Variants in ABCB5 observed in about 807,000 individuals in gnomAD.
ABCB5 encodes ATP-binding cassette sub-family B member 5.
In ABCB5, 155 loss-of-function variants were observed where a neutral mutation model predicts 144.2. The ratio of observed to expected loss-of-function variants is 1.08; its 90% CI spans 0.94 to 1.23. The LOEUF (loss-of-function observed/expected upper bound fraction) is 1.23, where lower values mean the gene tolerates loss of function less well. ABCB5 is among the 50% of genes most tolerant of loss of function. ABCB5 has a pLI of 0.00. For synonymous variants in ABCB5, 610 were observed against 528.6 expected (o/e 1.15, Z -2.11); for missense variants, 1,830 against 1,520.8 (o/e 1.20, Z -3.38).
At chr7:20,674,888 A>C (rs116075821) in intron 14 of ABCB5, among the ~76,000 whole-genome samples, 2,167 of 152,070 alleles carry the variant, frequency 0.014, 48 homozygotes, top group African/African-American at 0.049. Context: ...TGAAAAAATA[A>C]CTAAAACATC....
intron 14 of ABCB5, among the ~76,000 whole-genome samples, chr7:20,675,351 T>A (rs1054795710): frequency 1.3e-5 from 2 of 150,570 alleles, no homozygotes; most frequent in Non-Finnish European, 2.9e-5. Context: ...GCATATATAA[T>A]CAACTGACCT....
intron 20 of ABCB5, among the ~76,000 whole-genome samples, chr7:20,707,121 T>C (rs1402763512): frequency 6.6e-6 from 1 of 152,192 alleles, no homozygotes; most frequent in African/African-American, 2.4e-5. Flanking sequence ...CATATTGACT[T>C]AAATAAGTCA....
intron 13 of ABCB5, among the ~76,000 whole-genome samples, chr7:20,654,820 A>G (rs1325938919): frequency 6.6e-6 from 1 of 152,156 alleles, no homozygotes; most frequent in Non-Finnish European, 1.5e-5. Flanking sequence ...AGATATAGTT[A>G]AAGTATTGCT....
intron 7 of ABCB5, among the ~76,000 whole-genome samples, chr7:20,644,316 C>T (rs74547036): frequency 0.056 from 8,548 of 152,144 alleles, 338 homozygotes; most frequent in South Asian, 0.14. Context: ...TGGGCTGAAG[C>T]TATCCGCCCA....
chr7:20,720,067 G>T (rs1781811857), intron 20 of ABCB5, among the ~76,000 whole-genome samples: 2 of 151,914 alleles, frequency 1.3e-5, no homozygotes, highest in African/African-American at 2.4e-5. Context: ...AAGAACCCAG[G>T]GATCTTTGGA....
At chr7:20,739,590 T>C (rs938789549) in intron 24 of ABCB5, among the ~76,000 whole-genome samples, 1 of 152,118 alleles carries the variant, frequency 6.6e-6, no homozygotes, top group Non-Finnish European at 1.5e-5. Flanking sequence ...TTTTAAAATA[T>C]ATGCTTTTAA....
At chr7:20,718,659 A>G (rs1423735526) in intron 20 of ABCB5, among the ~76,000 whole-genome samples, 1 of 152,044 alleles carries the variant, frequency 6.6e-6, no homozygotes, top group African/African-American at 2.4e-5. Flanking sequence ...GAAGATGCTA[A>G]TTTTTTTATA....
chr7:20,672,688 A>G (rs547679232), intron 14 of ABCB5, among the ~76,000 whole-genome samples: 3 of 152,202 alleles, frequency 2.0e-5, no homozygotes, highest in Non-Finnish European at 1.5e-5. Flanking sequence ...GTTAATTATT[A>G]TATGTGATAT....
intron 20 of ABCB5, among the ~76,000 whole-genome samples, chr7:20,717,332 C>T (rs578006051): frequency 8.8e-4 from 134 of 152,136 alleles, no homozygotes; most frequent in South Asian, 3.3e-3. Flanking sequence ...GATGTCCGCA[C>T]GATTGGGTTT....
intron 25 of ABCB5, 132 bp downstream of exon 25, chr7:20,743,206 G>T (rs773367789): frequency 4.2e-5 from 39 of 924,094 alleles, no homozygotes; most frequent in Non-Finnish European, 6.0e-5. Flanking sequence ...AAAAATCTCT[G>T]TGTCAACCCT....
intron 7 of ABCB5, among the ~76,000 whole-genome samples, chr7:20,645,141 G>A (rs1784374465): frequency 6.6e-6 from 1 of 152,208 alleles, no homozygotes; most frequent in Non-Finnish European, 1.5e-5. Context: ...CGATACCAGA[G>A]TGGATGGCTT....
At chr7:20,617,071 T>C (rs1484847067) in intron 1 of ABCB5, among the ~76,000 whole-genome samples, 1 of 152,196 alleles carries the variant, frequency 6.6e-6, no homozygotes, top group Non-Finnish European at 1.5e-5. Context: ...TACCCTGTTT[T>C]AATTATATAC....
intron 14 of ABCB5, among the ~76,000 whole-genome samples, chr7:20,673,496 C>T (rs919095260): frequency 6.6e-6 from 1 of 152,012 alleles, no homozygotes; most frequent in Non-Finnish European, 1.5e-5. Flanking sequence ...GAATCGAGCC[C>T]TTATTCATTA....
intron 19 of ABCB5, 86 bp from the exon 20 acceptor site, chr7:20,704,638 T>C: frequency 1.0e-6 from 1 of 993,780 alleles, no homozygotes; most frequent in Non-Finnish European, 1.5e-6. Context: ...GGCAGGTAAA[T>C]GTTTTCTGAT....
intron 23 of ABCB5, among the ~76,000 whole-genome samples, chr7:20,731,369 A>AAAAAAAAAAAATATATATATAT: frequency 8.1e-6 from 1 of 123,074 alleles, no homozygotes; most frequent in African/African-American, 3.3e-5. Context: ...AAAAAAAAAA[A>AAAAAAAAAAAATATATATATAT]ATATATATAT....
chr7:20,681,729 C>G (rs1417546966), intron 15 of ABCB5, 63 bp downstream of exon 15: 1 of 1,529,930 alleles, frequency 6.5e-7, no homozygotes, highest in African/African-American at 1.4e-5. Flanking sequence ...TCATACCACA[C>G]TAGAAAACAA....
intron 20 of ABCB5, among the ~76,000 whole-genome samples, chr7:20,716,798 G>C (rs1781687210): frequency 1.3e-5 from 2 of 152,168 alleles, no homozygotes; most frequent in African/African-American, 4.8e-5. Context: ...GACAATCTAG[G>C]AGTTCATTCA....
At chr7:20,676,872 A>G (rs1329460792) in intron 14 of ABCB5, among the ~76,000 whole-genome samples, 1 of 152,198 alleles carries the variant, frequency 6.6e-6, no homozygotes, top group Non-Finnish European at 1.5e-5. Flanking sequence ...AAGTCCTCCA[A>G]GACAGAAATT....
chr7:20,666,844 T>TATC, intron 14 of ABCB5: 1 of 1,511,120 alleles, frequency 6.6e-7, no homozygotes. Context: ...TGAATTGCAC[T>TATC]ATCTCCCTAA....
Sources: allele counts gnomAD v4.1 joint callset (sites outside exome capture counted in the v4.1 genomes callset), GRCh38; gene constraint gnomAD v4.1.1; transcripts MANE v1.5; gene names NCBI Gene and HGNC (gene_info 2026-07-23, HGNC 2026-07-21).